EHBP1: variants seen among roughly 807,000 people sequenced by gnomAD.
The protein encoded by EHBP1 is EH domain binding protein 1.
A neutral mutation model predicts 144.0 loss-of-function variants in EHBP1; 55 were observed. The observed-to-expected ratio is 0.38, with a 90% CI of 0.31 to 0.48. The LOEUF (loss-of-function observed/expected upper bound fraction) is 0.48, where lower values mean the gene tolerates loss of function less well. EHBP1 is among the 20% of genes least tolerant of loss of function. The probability of loss-of-function intolerance (pLI) is 0.98; values close to 1 mark genes in which losing one functional copy is unlikely to be tolerated. For missense variants in EHBP1, 1,200 were observed against 1,364.2 expected, an observed-to-expected ratio of 0.88 and a Z score of 1.90; for synonymous variants, 469 against 472.7, an observed-to-expected ratio of 0.99 and a Z score of 0.10.
intron 2 of EHBP1, among the ~76,000 whole-genome samples, chr2:62,722,079 A>G (rs1312286437): frequency 6.6e-6 from 1 of 152,088 alleles, no homozygotes. Flanking sequence ...AAGTTGTACC[A>G]TAGTGCCCCC....
chr2:62,717,672 C>T (rs552253093), intron 2 of EHBP1, among the ~76,000 whole-genome samples: 9 of 151,372 alleles, frequency 5.9e-5, no homozygotes, highest in East Asian at 5.8e-4. Context: ...TTTATTAATC[C>T]GGGTATTGTT....
At chr2:62,875,992 C>G (rs551730875) in intron 10 of EHBP1, among the ~76,000 whole-genome samples, 31 of 152,128 alleles carry the variant, frequency 2.0e-4, no homozygotes, top group African/African-American at 7.0e-4. Context: ...TATAAAGAAA[C>G]CAAACCTACT....
chr2:62,704,333 C>T (rs1417806699), upstream of EHBP1, among the ~76,000 whole-genome samples: 1 of 152,086 alleles, frequency 6.6e-6, no homozygotes, highest in Non-Finnish European at 1.5e-5. Context: ...TATCTGTCTC[C>T]CCATCTCTCT....
At chr2:62,735,455 T>C (rs1489255036) in intron 2 of EHBP1, among the ~76,000 whole-genome samples, 1 of 152,182 alleles carries the variant, frequency 6.6e-6, no homozygotes, top group East Asian at 1.9e-4. Flanking sequence ...ATTTCACTTA[T>C]ATATAAGCAT....
chr2:62,750,718 C>G (rs1367686285), intron 3 of EHBP1, among the ~76,000 whole-genome samples: 1 of 152,118 alleles, frequency 6.6e-6, no homozygotes, highest in Non-Finnish European at 1.5e-5. Flanking sequence ...AAGTTGGATT[C>G]CTAGGTGTTT....
intron 19 of EHBP1, among the ~76,000 whole-genome samples, chr2:63,031,833 G>A (rs1429770711): frequency 6.6e-6 from 1 of 152,108 alleles, no homozygotes; most frequent in African/African-American, 2.4e-5. Flanking sequence ...AGAGGCTGAG[G>A]CCAGAGAATC....
chr2:62,872,387 T>C (rs1190243870), intron 9 of EHBP1, among the ~76,000 whole-genome samples: 1 of 152,086 alleles, frequency 6.6e-6, no homozygotes, highest in African/African-American at 2.4e-5. Flanking sequence ...CTGAAATAGA[T>C]TTTTCAAATC....
intron 5 of EHBP1, among the ~76,000 whole-genome samples, chr2:62,794,701 T>C (rs1162076750): frequency 1.3e-5 from 2 of 152,058 alleles, no homozygotes; most frequent in East Asian, 3.8e-4. Context: ...TATTGAATCT[T>C]CTTTAAACTT....
chr2:62,802,719 CTTTTT>C (rs573491673), intron 5 of EHBP1, among the ~76,000 whole-genome samples: 1 of 115,602 alleles, frequency 8.7e-6, no homozygotes, highest in African/African-American at 3.3e-5. Context: ...TGGGATCATA[CTTTTT>C]TTTTTTTTTT....
intron 2 of EHBP1, among the ~76,000 whole-genome samples, chr2:62,728,469 G>T (rs901728900): frequency 6.6e-6 from 1 of 152,108 alleles, no homozygotes; most frequent in African/African-American, 2.4e-5. Flanking sequence ...TGTGGTTTTT[G>T]ACTTGCGTTT....
chr2:62,910,954 T>A (rs780394879), intron 10 of EHBP1, among the ~76,000 whole-genome samples: 3 of 152,202 alleles, frequency 2.0e-5, no homozygotes, highest in Non-Finnish European at 4.4e-5. Flanking sequence ...GAATGTGTCA[T>A]TAGGCTAATA....
At chr2:62,919,387 T>G (rs2054885719) in intron 10 of EHBP1, among the ~76,000 whole-genome samples, 1 of 152,186 alleles carries the variant, frequency 6.6e-6, no homozygotes, top group South Asian at 2.1e-4. Flanking sequence ...TAGGGGAAAT[T>G]ATGAAGTCAC....
intron 7 of EHBP1, among the ~76,000 whole-genome samples, chr2:62,841,327 CTG>C (rs1383322065): frequency 8.6e-6 from 1 of 116,876 alleles, no homozygotes. Context: ...ATATCACACT[CTG>C]GGGACTGTGG....
chr2:63,008,532 T>A (rs2060135996), intron 19 of EHBP1, among the ~76,000 whole-genome samples: 1 of 151,478 alleles, frequency 6.6e-6, no homozygotes, highest in African/African-American at 2.4e-5. Context: ...AACTTAGGAA[T>A]TTGCAACTTT....
intron 7 of EHBP1, among the ~76,000 whole-genome samples, chr2:62,840,325 T>C (rs1370669884): frequency 1.5e-5 from 2 of 134,320 alleles, no homozygotes; most frequent in Admixed American, 7.9e-5. Flanking sequence ...TTACACCTTA[T>C]ACAAAAATCA....
intron 14 of EHBP1, among the ~76,000 whole-genome samples, chr2:62,967,539 C>CT (rs1377496741): frequency 6.6e-6 from 1 of 152,020 alleles, no homozygotes; most frequent in East Asian, 1.9e-4. Context: ...ACATTTTTTT[C>CT]TTTTTAAAAA....
chr2:62,826,164 T>G lies in EHBP1; in HGVS notation c.390T>G (p.Thr130=). 1 of 1,610,918 alleles carries G rather than the reference T, an allele frequency of 6.2e-7. No homozygotes were observed. The highest frequency in any genetic ancestry group is 1.3e-5 in the African/African-American group (1 of 74,836). Residue 130 remains threonine (T), a synonymous_variant, in exon 6 of 23, where the codon ACT becomes ACG. Coordinates refer to ENST00000431489, the MANE Select transcript of EHBP1 (RefSeq NM_001142616.3). ...AACAGTATGCAAGCCCTATGCCAACTCAGACTGATGTCAAGTTAAAATTCA... is the reference window on the plus strand; with the variant it reads ...AACAGTATGCAAGCCCTATGCCAACGCAGACTGATGTCAAGTTAAAATTCA... The part of the protein sequence containing the change: ...NMKQYASPMP[T]QTDVKLKFKP...
intron 19 of EHBP1, among the ~76,000 whole-genome samples, chr2:63,010,972 C>T (rs193297256): frequency 6.6e-5 from 10 of 151,420 alleles, no homozygotes; most frequent in Admixed American, 4.6e-4. Context: ...ATCTAGGTTT[C>T]CTTAAAGAGG....
At chr2:62,776,728 A>C (rs2042077478) in intron 5 of EHBP1, among the ~76,000 whole-genome samples, 1 of 152,192 alleles carries the variant, frequency 6.6e-6, no homozygotes, top group South Asian at 2.1e-4. Context: ...CTTTTGGATC[A>C]TTTACAATCC....
Sources: allele counts gnomAD v4.1 joint callset (sites outside exome capture counted in the v4.1 genomes callset), GRCh38; gene constraint gnomAD v4.1.1; transcripts MANE v1.5; gene names NCBI Gene and HGNC (gene_info 2026-07-23, HGNC 2026-07-21).